The following NUMB variants were observed in gnomAD, a reference collection of about 807,000 sequenced individuals.
NUMB encodes NUMB endocytic adaptor protein, also known as protein numb homolog.
In NUMB, 29 loss-of-function variants were observed where a neutral mutation model predicts 59.7. The ratio of observed to expected loss-of-function variants is 0.49; its 90% CI spans 0.36 to 0.66. The LOEUF (loss-of-function observed/expected upper bound fraction) is 0.66, where lower values mean the gene tolerates loss of function less well. Among genes scored for constraint, NUMB ranks in the 30% least tolerant of loss-of-function variants. NUMB has a pLI of 0.00. For synonymous variants in NUMB, 288 were observed against 288.2 expected (o/e 1.00, Z 0.01); for missense variants, 723 against 822.0 (o/e 0.88, Z 1.47).
chr14:73,422,687 G>A (rs75630909), intron 1 of NUMB, among the ~76,000 whole-genome samples: 7,796 of 151,816 alleles, frequency 0.051, 646 homozygotes, highest in African/African-American at 0.18. Context: ...GGGAAAGGGG[G>A]TGGGGACGTG....
At chr14:73,358,608 T>C (rs975501831) in intron 3 of NUMB, among the ~76,000 whole-genome samples, 4 of 77,626 alleles carry the variant, frequency 5.2e-5, no homozygotes, top group African/African-American at 5.5e-5. Context: ...TAGACTTTTT[T>C]TTTTTTTTTT....
rs144504168 is a variant in NUMB, at chr14:73,310,860, C to T, written c.234+5530G>A. 1.0e-3 allele frequency among the ~76,000 whole-genome samples: 154 copies of T among 152,202 alleles called. 1 individual carries two copies. Among genetic ancestry groups the T allele is most frequent in the African/African-American group, 2.2e-3 (92 of 41,526 alleles). On this transcript the variant is annotated intron_variant, in intron 6 of 12. Coordinates refer to ENST00000555238, the MANE Select transcript of NUMB (RefSeq NM_001005743.2). ...TCAGTTTCTTCATAAAATGGGAATACAGATTACTTAGTTCATAGGGTTCCT... is the reference window on the plus strand; with the variant it reads ...TCAGTTTCTTCATAAAATGGGAATATAGATTACTTAGTTCATAGGGTTCCT...
chr14:73,447,102 G>A (rs1427195667), intron 1 of NUMB, among the ~76,000 whole-genome samples: 4 of 150,464 alleles, frequency 2.7e-5, no homozygotes, highest in Non-Finnish European at 5.9e-5. Context: ...CAAGGGAATC[G>A]CTTGAACCCG....
intron 6 of NUMB, among the ~76,000 whole-genome samples, chr14:73,301,919 A>C (rs1483781968): frequency 6.6e-6 from 1 of 151,952 alleles, no homozygotes; most frequent in Non-Finnish European, 1.5e-5. Flanking sequence ...CATATCTACT[A>C]AAAAATACAA....
chr14:73,417,601 A>C (rs1897184486), intron 1 of NUMB, among the ~76,000 whole-genome samples: 1 of 152,192 alleles, frequency 6.6e-6, no homozygotes, highest in African/African-American at 2.4e-5. Flanking sequence ...ATAATGTAAA[A>C]AAACAAAATC....
intron 4 of NUMB, among the ~76,000 whole-genome samples, chr14:73,353,069 C>CTTTTTTTTTTTTTTTTT (rs1566756859): frequency 1.7e-4 from 3 of 18,084 alleles, no homozygotes; most frequent in African/African-American, 2.3e-4. Context: ...CACAGTTTTT[C>CTTTTTTTTTTTTTTTTT]TTGTTTTTTT....
chr14:73,293,423 ACT>A (rs1889540359), intron 7 of NUMB, among the ~76,000 whole-genome samples: 4 of 117,304 alleles, frequency 3.4e-5, no homozygotes, highest in Non-Finnish European at 6.6e-5. Context: ...GGACAGTCTC[ACT>A]CTGTCACCCA....
chr14:73,339,545 A>G (rs1290387452), intron 4 of NUMB, among the ~76,000 whole-genome samples: 1 of 151,906 alleles, frequency 6.6e-6, no homozygotes, highest in African/African-American at 2.4e-5. Flanking sequence ...TAACCATCCC[A>G]TTTTTTGTTT....
chr14:73,424,922 A>G (rs1046302150), intron 1 of NUMB, among the ~76,000 whole-genome samples: 23 of 152,262 alleles, frequency 1.5e-4, no homozygotes, highest in Non-Finnish European at 2.8e-4. Context: ...ATGCAAACAT[A>G]TAAGTCATAA....
chr14:73,364,680 T>C (rs1231458690), intron 3 of NUMB, among the ~76,000 whole-genome samples: 1 of 152,184 alleles, frequency 6.6e-6, no homozygotes, highest in Admixed American at 6.5e-5. Flanking sequence ...CAGGCTACAG[T>C]GCAGTGGCAC....
At position 73,352,501 on chromosome 14, in the gene NUMB, TATATATATATATATATATATATATATATG is replaced by T. The variant is rs1566756213; in HGVS notation, c.126+3096_126+3124del. Among the ~76,000 whole-genome samples, 29 of 12,694 alleles carry T rather than the reference TATATATATATATATATATATATATATATG, an allele frequency of 2.3e-3. 3 individuals carry two copies. Among genetic ancestry groups the T allele is most frequent in the African/African-American group, 0.011 (19 of 1,684 alleles). 8.3% of individuals were successfully genotyped at this position (12,694 alleles called of 152,430 possible). A position where few individuals can be genotyped will look rare whatever the true frequency, so the allele number is the denominator to read the frequency against. ...ACATATATATATATATATATATATA[TATATATATATATATATATATATATATATG>T]TTTTTTTTTTTTTTTTTTTTTTGAG... On this transcript the variant is annotated intron_variant, in intron 4 of 12. Coordinates refer to ENST00000555238, the MANE Select transcript of NUMB (RefSeq NM_001005743.2).
At chr14:73,366,312 T>C (rs1894342450) in intron 3 of NUMB, among the ~76,000 whole-genome samples, 1 of 152,208 alleles carries the variant, frequency 6.6e-6, no homozygotes, top group Non-Finnish European at 1.5e-5. Context: ...ATCTAACTTA[T>C]TCAAGTTTAA....
intron 2 of NUMB, among the ~76,000 whole-genome samples, chr14:73,394,935 T>C (rs1252389315): frequency 1.3e-5 from 2 of 152,190 alleles, no homozygotes; most frequent in Non-Finnish European, 2.9e-5. Context: ...CCACATTGTC[T>C]TTCTGTGCCT....
intron 2 of NUMB, among the ~76,000 whole-genome samples, chr14:73,392,187 A>C (rs1173315773): frequency 1.3e-5 from 2 of 152,240 alleles, no homozygotes; most frequent in Admixed American, 6.5e-5. Context: ...CAAGAGGCAA[A>C]GGAAAACAGA....
rs1594859831 is a variant in NUMB, at chr14:73,284,469, A to G, written c.656-95T>C. ...ATTCGAAAGCCCTCTAGGTCCTTTT[A>G]CCCATTTCCTTCCCAGTGTCTCTTA... On this transcript the variant is annotated intron_variant, in intron 9 of 12. Transcript: ENST00000555238. The G allele has an allele frequency of 4.9e-6, 5 of 1,028,080 alleles. No individual in the cohort carries two copies. In the East Asian group the frequency reaches 1.2e-4, roughly 25 times the overall value. 63.7% of individuals were successfully genotyped at this position (1,028,080 alleles called of 1,614,324 possible). A position where few individuals can be genotyped will look rare whatever the true frequency, so the allele number is the denominator to read the frequency against.
At chr14:73,347,628 G>T (rs754078923) in intron 4 of NUMB, among the ~76,000 whole-genome samples, 2 of 152,108 alleles carry the variant, frequency 1.3e-5, no homozygotes, top group African/African-American at 2.4e-5. Flanking sequence ...ATCTAATGAG[G>T]TTTCATTTCT....
At chr14:73,385,265 T>A (rs998891381) in intron 2 of NUMB, among the ~76,000 whole-genome samples, 7 of 150,490 alleles carry the variant, frequency 4.7e-5, no homozygotes, top group African/African-American at 1.7e-4. Context: ...TCTCAAGTCA[T>A]CCTCCTCTAG....
chr14:73,329,785 G>A (rs558632801), intron 4 of NUMB, among the ~76,000 whole-genome samples: 32 of 152,058 alleles, frequency 2.1e-4, no homozygotes, highest in Admixed American at 5.9e-4. Flanking sequence ...CTTGACCTTG[G>A]GAAGGATACT....
At chr14:73,348,191 A>G (rs1208435353) in intron 4 of NUMB, among the ~76,000 whole-genome samples, 1 of 152,212 alleles carries the variant, frequency 6.6e-6, no homozygotes, top group Non-Finnish European at 1.5e-5. Context: ...TACCTCGAGA[A>G]TATGGAAAAT....
Sources: gnomAD v4.1 joint callset for allele counts (sites outside exome capture counted in the v4.1 genomes callset) on GRCh38, gnomAD v4.1.1 for gene constraint, MANE v1.5 for transcripts, NCBI Gene and HGNC (gene_info 2026-07-23, HGNC 2026-07-21) for gene names.